STON2: variants seen among roughly 807,000 people sequenced by gnomAD.
The protein encoded by STON2 is stonin 2, also known as stonin-2.
STON2 carries 29 observed loss-of-function variants against 65.7 expected under a neutral mutation model. The ratio of observed to expected loss-of-function variants is 0.44; its 90% confidence interval spans 0.33 to 0.60. STON2 has a LOEUF of 0.60. Ranked by LOEUF, STON2 falls within the 20% of genes least tolerant of loss-of-function variation. STON2 has a pLI of 0.03. For synonymous variants in STON2, 404 were observed against 414.2 expected (o/e 0.98, Z 0.30); for missense variants, 1,054 against 1,118.1 (o/e 0.94, Z 0.82).
At chr14:81,311,510 G>A (rs1896426329) in intron 5 of STON2, among the ~76,000 whole-genome samples, 1 of 152,178 alleles carries the variant, frequency 6.6e-6, no homozygotes, top group African/African-American at 2.4e-5. Flanking sequence ...CTGTACAAAA[G>A]AAGATTTCTT....
At chr14:81,382,677 C>T (rs2140399582) in intron 3 of STON2, among the ~76,000 whole-genome samples, 1 of 152,260 alleles carries the variant, frequency 6.6e-6, no homozygotes, top group South Asian at 2.1e-4. Flanking sequence ...TAATCTAATA[C>T]ACAATCTTAA....
chr14:81,308,658 T>A (rs1896275411), intron 5 of STON2, among the ~76,000 whole-genome samples: 2 of 151,028 alleles, frequency 1.3e-5, no homozygotes, highest in Non-Finnish European at 2.9e-5. Context: ...TAATAACCCA[T>A]GGGCAGGGGA....
chr14:81,290,412 A>G (rs1383980190), intron 5 of STON2, among the ~76,000 whole-genome samples: 2 of 152,168 alleles, frequency 1.3e-5, no homozygotes, highest in African/African-American at 4.8e-5. Flanking sequence ...AAAGAAAGAG[A>G]GCTGAGATCT....
chr14:81,295,659 G>C (rs1382951140), intron 5 of STON2, among the ~76,000 whole-genome samples: 1 of 151,756 alleles, frequency 6.6e-6, no homozygotes, highest in Non-Finnish European at 1.5e-5. Flanking sequence ...ATAGAGTTAA[G>C]TATTCTTTGC....
chr14:81,429,522 T>A (rs945571645), intron 1 of STON2, among the ~76,000 whole-genome samples: 4 of 152,250 alleles, frequency 2.6e-5, no homozygotes, highest in Non-Finnish European at 5.9e-5. Context: ...CACCTACTAA[T>A]AAATCACTGA....
intron 4 of STON2, among the ~76,000 whole-genome samples, chr14:81,336,009 G>A (rs1897357991): frequency 6.6e-6 from 1 of 152,074 alleles, no homozygotes; most frequent in Non-Finnish European, 1.5e-5. Context: ...GGCTACTCAG[G>A]ACTGAGTAGG....
chr14:81,357,116 C>T (rs1433807602), intron 4 of STON2, among the ~76,000 whole-genome samples: 26 of 151,848 alleles, frequency 1.7e-4, no homozygotes, highest in East Asian at 3.9e-4. Flanking sequence ...ACAGGCAACC[C>T]ACAAAATGGG....
chr14:81,433,778 G>C (rs140910032), intron 1 of STON2, among the ~76,000 whole-genome samples: 46 of 152,322 alleles, frequency 3.0e-4, no homozygotes, highest in African/African-American at 9.9e-4. Context: ...GATGACAAGT[G>C]AGGGGTAGAA....
chr14:81,356,665 G>A (rs2140328926), intron 4 of STON2, among the ~76,000 whole-genome samples: 1 of 152,228 alleles, frequency 6.6e-6, no homozygotes, highest in East Asian at 1.9e-4. Context: ...GTAAGCTATT[G>A]ATTATTGCCA....
Position 81,265,939 on chromosome 14 carries a change from A to G in STON2, c.*2475T>C, listed in dbSNP as rs954145418. On this transcript the variant is annotated 3_prime_UTR_variant, in exon 8 of 8. Transcript: ENST00000614646. ...GGGATGAGCTTCATTTCCCTTGCCA[A>G]CTCTCCAATCCATTTAGATGTTCTA... is the stretch of plus-strand genomic sequence containing the variant. 1.0e-6 allele frequency: 1 copy of G among 985,302 alleles called. No homozygotes were observed. The highest frequency in any genetic ancestry group is 1.2e-6 in the Non-Finnish European group (1 of 829,918). 61.0% of individuals were successfully genotyped at this position (985,302 alleles called of 1,614,324 possible).
At chr14:81,387,049 T>C (rs1281357938) in intron 3 of STON2, among the ~76,000 whole-genome samples, 1 of 152,198 alleles carries the variant, frequency 6.6e-6, no homozygotes, top group African/African-American at 2.4e-5. Context: ...TCAGGAACAC[T>C]ATTGGCTAAA....
At position 81,274,371 on chromosome 14, in the gene STON2, A is replaced by G. The variant is rs114330455; in HGVS notation, c.2581+2530T>C. Among the ~76,000 whole-genome samples, 1,501 of 152,308 alleles carry G rather than the reference A, an allele frequency of 9.9e-3. 26 individuals carry two copies. The highest frequency in any genetic ancestry group is 0.035 in the African/African-American group (1,441 of 41,546). On this transcript the variant is annotated intron_variant, in intron 6 of 7. Transcript: ENST00000614646. The stretch of plus-strand genomic sequence containing the variant: ...CACAAACGAGGTTCCAGCAATCTGG[A>G]AACAGATATGTAAAACAGCATATAA...
intron 5 of STON2, among the ~76,000 whole-genome samples, chr14:81,310,086 T>A (rs1222021748): frequency 6.6e-6 from 1 of 152,200 alleles, no homozygotes; most frequent in Non-Finnish European, 1.5e-5. Flanking sequence ...CCTGAATTCA[T>A]CTTGTCTTTA....
chr14:81,295,095 T>C (rs140831081), intron 5 of STON2, among the ~76,000 whole-genome samples: 2,537 of 152,098 alleles, frequency 0.017, 69 homozygotes, highest in African/African-American at 0.051. Flanking sequence ...GAGGCCGAGG[T>C]GGGCGGATCA....
intron 1 of STON2, among the ~76,000 whole-genome samples, chr14:81,431,816 G>C (rs1902238679): frequency 6.6e-6 from 1 of 151,824 alleles, no homozygotes; most frequent in African/African-American, 2.4e-5. Flanking sequence ...GTGGTGGTGG[G>C]TACCTGTAAT....
chr14:81,339,170 G>A (rs534646695), intron 4 of STON2, among the ~76,000 whole-genome samples: 2 of 152,232 alleles, frequency 1.3e-5, no homozygotes, highest in East Asian at 1.9e-4. Flanking sequence ...TTTTGAAAAT[G>A]CATTATCTAC....
intron 2 of STON2, among the ~76,000 whole-genome samples, chr14:81,421,354 T>G (rs557374059): frequency 6.6e-6 from 1 of 152,206 alleles, no homozygotes; most frequent in Non-Finnish European, 1.5e-5. Context: ...CAGGGCCCAG[T>G]AGGCCATGCC....
At chr14:81,389,401 C>T (rs1419181396) in intron 3 of STON2, among the ~76,000 whole-genome samples, 1 of 152,154 alleles carries the variant, frequency 6.6e-6, no homozygotes, top group African/African-American at 2.4e-5. Flanking sequence ...TTCATTCTTG[C>T]GTTATCCATG....
chr14:81,353,624 G>A (rs982600778), intron 4 of STON2, among the ~76,000 whole-genome samples: 3 of 152,142 alleles, frequency 2.0e-5, no homozygotes, highest in Admixed American at 6.5e-5. Context: ...GAGGATTTCC[G>A]CTTGGGACCA....
Sources: gnomAD v4.1 joint callset for allele counts (sites outside exome capture counted in the v4.1 genomes callset) on GRCh38, gnomAD v4.1.1 for gene constraint, MANE v1.5 for transcripts, NCBI Gene and HGNC (gene_info 2026-07-23, HGNC 2026-07-21) for gene names.